Variants in LRRC4C observed in about 807,000 individuals in gnomAD.
LRRC4C encodes the protein leucine-rich repeat-containing protein 4C.
LRRC4C carries 5 observed loss-of-function variants against 33.6 expected under a neutral mutation model. That is an observed-to-expected ratio of 0.15 (90% CI 0.08 to 0.31). The LOEUF is 0.31. Ranked by LOEUF, LRRC4C falls within the 10% of genes least tolerant of loss-of-function variation. LRRC4C has a pLI of 1.00. For synonymous variants in LRRC4C, 329 were observed against 302.0 expected (o/e 1.09, Z -0.93); for missense variants, 560 against 796.7 (o/e 0.70, Z 3.58).
intron 3 of LRRC4C, among the ~76,000 whole-genome samples, chr11:40,401,784 G>A (rs1468363989): frequency 6.6e-6 from 1 of 152,104 alleles, no homozygotes; most frequent in Non-Finnish European, 1.5e-5. Flanking sequence ...TGAGGATGCT[G>A]TGTATAAATT....
intron 1 of LRRC4C, among the ~76,000 whole-genome samples, chr11:41,106,378 T>C (rs1004681992): frequency 2.0e-5 from 3 of 151,884 alleles, no homozygotes; most frequent in South Asian, 2.1e-4. Context: ...CTATTTGACA[T>C]GAGGCACTGT....
At chr11:40,577,597 T>G (rs185404699) in intron 3 of LRRC4C, among the ~76,000 whole-genome samples, 1 of 152,216 alleles carries the variant, frequency 6.6e-6, no homozygotes, top group East Asian at 1.9e-4. Flanking sequence ...AGACGTTTTG[T>G]TTGTCACATG....
At chr11:41,450,395 C>T (rs9943509) in intron 1 of LRRC4C, among the ~76,000 whole-genome samples, 4,738 of 152,186 alleles carry the variant, frequency 0.031, 238 homozygotes, top group African/African-American at 0.11. Context: ...TATTTTCATA[C>T]AAGCAACCAC....
At chr11:41,334,100 G>A (rs544333532) in intron 1 of LRRC4C, among the ~76,000 whole-genome samples, 13 of 152,264 alleles carry the variant, frequency 8.5e-5, no homozygotes, top group Admixed American at 5.2e-4. Flanking sequence ...GAAGGTTATC[G>A]TAAGAGGCGT....
intron 1 of LRRC4C, among the ~76,000 whole-genome samples, chr11:40,958,442 C>A (rs909547272): frequency 1.3e-5 from 2 of 151,762 alleles, no homozygotes; most frequent in African/African-American, 4.8e-5. Flanking sequence ...CATACATTGA[C>A]AAATACTGAT....
chr11:40,797,561 A>G (rs764226091), intron 2 of LRRC4C, among the ~76,000 whole-genome samples: 1 of 152,176 alleles, frequency 6.6e-6, no homozygotes, highest in Non-Finnish European at 1.5e-5. Context: ...GACTACAGTG[A>G]TAACTTTTAT....
intron 1 of LRRC4C, among the ~76,000 whole-genome samples, chr11:40,956,197 A>G (rs1958946893): frequency 6.6e-6 from 1 of 151,802 alleles, no homozygotes; most frequent in African/African-American, 2.4e-5. Context: ...GGCTGTGAAA[A>G]TTCAGCAAAC....
chr11:41,457,743 G>A (rs939858088), intron 1 of LRRC4C, among the ~76,000 whole-genome samples: 1 of 151,996 alleles, frequency 6.6e-6, no homozygotes, highest in Non-Finnish European at 1.5e-5. Flanking sequence ...AAATTATACT[G>A]ACAGGAGTCT....
At chr11:40,307,330 A>G (rs1400027038) in intron 4 of LRRC4C, among the ~76,000 whole-genome samples, 1 of 152,148 alleles carries the variant, frequency 6.6e-6, no homozygotes, top group Non-Finnish European at 1.5e-5. Context: ...AGAAATTTGC[A>G]TGTTCCCTAT....
At chr11:40,212,537 G>A (rs1428639890) in intron 5 of LRRC4C, among the ~76,000 whole-genome samples, 1 of 151,552 alleles carries the variant, frequency 6.6e-6, no homozygotes, top group Non-Finnish European at 1.5e-5. Context: ...TAAATGAAAT[G>A]TTATATCTCT....
chr11:41,283,596 A>G (rs1218886337), intron 1 of LRRC4C, among the ~76,000 whole-genome samples: 1 of 152,236 alleles, frequency 6.6e-6, no homozygotes, highest in East Asian at 1.9e-4. Context: ...ATTAGAGCAT[A>G]GAATTGCTCA....
At position 40,137,592 on chromosome 11, in the gene LRRC4C, T is replaced by G. The variant is rs1421938989; in HGVS notation, c.-43+3209A>C. On this transcript the variant is annotated intron_variant, in intron 6 of 6. Transcript: ENST00000528697. Reference sequence around the variant, plus strand: ...TCTCACATTCATTAGAAAGAGGAGTTAATATCTATTGGGTTTTTGCCTTAA... The same window carrying G: ...TCTCACATTCATTAGAAAGAGGAGTGAATATCTATTGGGTTTTTGCCTTAA... Among the ~76,000 whole-genome samples the G allele has an allele frequency of 2.0e-5, 3 of 152,174 alleles. No homozygotes were observed. The East Asian group carries it at 5.8e-4, about 29-fold the overall frequency.
chr11:40,597,856 CAT>C (rs1360409338), intron 3 of LRRC4C, among the ~76,000 whole-genome samples: 2 of 152,150 alleles, frequency 1.3e-5, no homozygotes, highest in Non-Finnish European at 2.9e-5. Context: ...AGCTCAGTAA[CAT>C]GAGGAAAGTT....
At chr11:41,021,884 C>G (rs549924478) in intron 1 of LRRC4C, among the ~76,000 whole-genome samples, 1 of 152,018 alleles carries the variant, frequency 6.6e-6, no homozygotes, top group Admixed American at 6.6e-5. Flanking sequence ...AACATAGAAT[C>G]TTTTAAGCAG....
chr11:40,552,526 T>C (rs918366163), intron 3 of LRRC4C, among the ~76,000 whole-genome samples: 3 of 152,156 alleles, frequency 2.0e-5, no homozygotes, highest in South Asian at 4.1e-4. Flanking sequence ...AGAACCCTAC[T>C]CAATGATGAG....
At chr11:40,515,938 T>C (rs1035487679) in intron 3 of LRRC4C, among the ~76,000 whole-genome samples, 4 of 152,122 alleles carry the variant, frequency 2.6e-5, no homozygotes, top group Non-Finnish European at 4.4e-5. Flanking sequence ...TATTTTATGA[T>C]AGTGCATATG....
chr11:40,495,992 G>T (rs144527463), intron 3 of LRRC4C, among the ~76,000 whole-genome samples: 1 of 151,910 alleles, frequency 6.6e-6, no homozygotes, highest in East Asian at 1.9e-4. Context: ...ACCACGCCCG[G>T]CTAATTTTTG....
At chr11:41,136,786 G>A (rs777670138) in intron 1 of LRRC4C, among the ~76,000 whole-genome samples, 1 of 151,996 alleles carries the variant, frequency 6.6e-6, no homozygotes, top group Admixed American at 6.5e-5. Context: ...ACTCAGCTCA[G>A]TTATCGAGCC....
At chr11:40,725,739 C>T (rs1947261376) in intron 2 of LRRC4C, among the ~76,000 whole-genome samples, 1 of 152,152 alleles carries the variant, frequency 6.6e-6, no homozygotes, top group South Asian at 2.1e-4. Context: ...TACATGCCTA[C>T]ATATCACTCC....
Sources: allele counts gnomAD v4.1 joint callset (sites outside exome capture counted in the v4.1 genomes callset), GRCh38; gene constraint gnomAD v4.1.1; transcripts MANE v1.5; gene names NCBI Gene and HGNC (gene_info 2026-07-23, HGNC 2026-07-21).